LPIN1: variants seen among roughly 807,000 people sequenced by gnomAD.
LPIN1 encodes the protein phosphatidate phosphatase LPIN1.
LPIN1 carries 71 observed loss-of-function variants against 107.5 expected under a neutral mutation model. The ratio of observed to expected loss-of-function variants is 0.66; its 90% CI spans 0.55 to 0.80. The LOEUF (loss-of-function observed/expected upper bound fraction) is 0.80, where lower values mean the gene tolerates loss of function less well. Ranked by LOEUF, LPIN1 falls within the 30% of genes least tolerant of loss-of-function variation. The pLI is 0.00. For synonymous variants in LPIN1, 445 were observed against 452.6 expected (o/e 0.98, Z 0.21); for missense variants, 1,043 against 1,160.6 (o/e 0.90, Z 1.47).
chr2:11,701,299 T>C (rs1218284800), intron 1 of LPIN1, among the ~76,000 whole-genome samples: 1 of 152,212 alleles, frequency 6.6e-6, no homozygotes, highest in Non-Finnish European at 1.5e-5. Context: ...CCTGCTTGGC[T>C]ATGAGTAACT....
intron 14 of LPIN1, among the ~76,000 whole-genome samples, chr2:11,798,181 G>A (rs1163361932): frequency 3.3e-5 from 5 of 152,216 alleles, no homozygotes; most frequent in Non-Finnish European, 7.3e-5. Flanking sequence ...GTGGAACTGT[G>A]AGTCAATTAA....
At chr2:11,808,470 A>T (rs139003036) in intron 17 of LPIN1, among the ~76,000 whole-genome samples, 96 of 152,330 alleles carry the variant, frequency 6.3e-4, no homozygotes, top group African/African-American at 1.9e-3. Context: ...CTAGGGTACC[A>T]GGGAAAAGAT....
chr2:11,761,206 T>C (rs763986562), intron 1 of LPIN1, among the ~76,000 whole-genome samples: 15 of 152,216 alleles, frequency 9.9e-5, no homozygotes, highest in Non-Finnish European at 1.2e-4. Flanking sequence ...CAAACACACG[T>C]TAAAATCTAA....
rs765117462 is a variant in LPIN1, at chr2:11,782,304, T to C, written c.1061T>C (p.Phe354Ser). 4 of 1,614,208 alleles carry C rather than the reference T, an allele frequency of 2.5e-6. No homozygotes were observed. Among genetic ancestry groups the C allele is most frequent in the Non-Finnish European group, 2.5e-6 (3 of 1,180,034 alleles). ...QAIHSESSDT[F>S]SDQSPTLVGG... ...ATTCACAGCGAATCTTCAGACACTT[T>C]TAGTGACCAATCGCCAACTCTGGTC... The change falls in exon 8 of 21, where the codon TTT (phenylalanine) becomes TCT (serine). Residue 354 changes from phenylalanine to serine, a missense_variant. Transcript: ENST00000674199.
At chr2:11,749,891 C>T (rs568526841) in intron 1 of LPIN1, among the ~76,000 whole-genome samples, 87 of 152,344 alleles carry the variant, frequency 5.7e-4, no homozygotes, top group African/African-American at 1.6e-3. Flanking sequence ...TTAAAATTTT[C>T]GGCTGATGCT....
At chr2:11,820,948 T>G (rs1330939146) in intron 20 of LPIN1, among the ~76,000 whole-genome samples, 1 of 152,236 alleles carries the variant, frequency 6.6e-6, no homozygotes, top group Non-Finnish European at 1.5e-5. Flanking sequence ...AAGAATTCCC[T>G]TCATATTTTT....
At chr2:11,694,832 A>C (rs1662489933) in intron 1 of LPIN1, among the ~76,000 whole-genome samples, 1 of 152,236 alleles carries the variant, frequency 6.6e-6, no homozygotes, top group African/African-American at 2.4e-5. Flanking sequence ...ATAAGAAATA[A>C]TATAAAAAAT....
chr2:11,797,112 T>TTTTTGCTATTTA (rs1162653341), intron 14 of LPIN1, among the ~76,000 whole-genome samples: 15 of 152,334 alleles, frequency 9.8e-5, no homozygotes, highest in Non-Finnish European at 2.1e-4. Context: ...ATAGCTACAC[T>TTTTTGCTATTTA]AGAAATGCCC....
chr2:11,774,953 A>T lies in LPIN1; in HGVS notation c.723-1133A>T, dbSNP rs891911529. 2.0e-5 allele frequency among the ~76,000 whole-genome samples: 3 copies of T among 149,406 alleles called. No individual in the cohort carries two copies. Among genetic ancestry groups the T allele is most frequent in the Non-Finnish European group, 3.0e-5 (2 of 67,686 alleles). On this transcript the variant is annotated intron_variant, in intron 5 of 20. Transcript: ENST00000674199. This position sits in a 1 kb window ranked among gnomAD's most constrained non-coding sequence, Gnocchi z 4.4. ...TAATTTTAAGATTTCCAGTAGCCCT[A>T]TTTTTAAAAAGTAAAAAAAAAAAAA...
intron 2 of LPIN1, among the ~76,000 whole-genome samples, chr2:11,716,750 T>C (rs1663768767): frequency 6.6e-6 from 1 of 152,162 alleles, no homozygotes. Flanking sequence ...AGAATCTAGC[T>C]GTGAAATACA....
chr2:11,755,761 G>T (rs574357308), intron 1 of LPIN1, among the ~76,000 whole-genome samples: 2 of 149,192 alleles, frequency 1.3e-5, no homozygotes, highest in South Asian at 2.1e-4. Flanking sequence ...TCGCTCTGTC[G>T]CCCAAGCTGG....
At chr2:11,740,410 AC>A (rs1666219827) in intron 1 of LPIN1, among the ~76,000 whole-genome samples, 1 of 151,886 alleles carries the variant, frequency 6.6e-6, no homozygotes, top group East Asian at 1.9e-4. Flanking sequence ...TAACCATCAC[AC>A]CCTTCAATTA....
intron 1 of LPIN1, among the ~76,000 whole-genome samples, chr2:11,761,687 A>G (rs1197352150): frequency 9.2e-5 from 14 of 152,076 alleles, no homozygotes; most frequent in Admixed American, 9.2e-4. Context: ...CTTGAGCCTC[A>G]TTTGCAAATG....
intron 17 of LPIN1, among the ~76,000 whole-genome samples, chr2:11,808,088 G>T (rs1364397539): frequency 6.6e-6 from 1 of 151,988 alleles, no homozygotes; most frequent in African/African-American, 2.4e-5. Flanking sequence ...AGCCTTTAAT[G>T]CCTGGCTCAA....
intron 1 of LPIN1, among the ~76,000 whole-genome samples, chr2:11,751,508 C>G (rs1667783009): frequency 6.6e-6 from 1 of 152,232 alleles, no homozygotes; most frequent in South Asian, 2.1e-4. Context: ...GTATGTATCT[C>G]ATTCCAGAAT....
At chr2:11,766,114 T>A (rs184535021) in intron 2 of LPIN1, among the ~76,000 whole-genome samples, 5 of 152,334 alleles carry the variant, frequency 3.3e-5, no homozygotes, top group African/African-American at 1.2e-4. Flanking sequence ...GGCTCTTCGC[T>A]GAGGCTTTGG....
At position 11,803,402 on chromosome 2, in the gene LPIN1, A is replaced by G. The variant is rs768407962; in HGVS notation, c.2013+369A>G. On this transcript the variant is annotated intron_variant, in intron 15 of 20. Coordinates refer to ENST00000674199, the MANE Select transcript of LPIN1 (RefSeq NM_001349206.2). This position sits in a 1 kb window ranked among gnomAD's most constrained non-coding sequence, Gnocchi z 4.2. Reference sequence around the variant, plus strand: ...GAGAGATGTTTGTTAACTCAAATGCATCTCTTAAGTTGGTGGAAATCAAGC... The same window carrying G: ...GAGAGATGTTTGTTAACTCAAATGCGTCTCTTAAGTTGGTGGAAATCAAGC... Among the ~76,000 whole-genome samples, 7 of 152,194 alleles carry G rather than the reference A, an allele frequency of 4.6e-5. No individual in the cohort carries two copies. The highest frequency in any genetic ancestry group is 7.3e-5 in the Non-Finnish European group (5 of 68,034).
intron 18 of LPIN1, chr2:11,817,931 CAAAAAAAAAAAAAAAA>C (rs34888081): frequency 1.2e-4 from 3 of 25,536 alleles, no homozygotes; most frequent in Middle Eastern, 0.019. Context: ...GACTCTGTCT[CAAAAAAAAAAAAAAAA>C]AAAAAAAAAA....
Position 11,812,352 on chromosome 2 carries a change from G to A in LPIN1, c.2250-2736G>A, listed in dbSNP as rs151074742. Among the ~76,000 whole-genome samples, 6 of 152,252 alleles carry A rather than the reference G, an allele frequency of 3.9e-5. No homozygotes were observed. The South Asian group carries it at 6.2e-4, about 16-fold the overall frequency. On this transcript the variant is annotated intron_variant, in intron 17 of 20. Coordinates refer to ENST00000674199, the MANE Select transcript of LPIN1 (RefSeq NM_001349206.2). ...ATACAGTCGAATGAAGGACTATAAC[G>A]TCATATTAGTGATCAGTGCTAGGAG... is the stretch of plus-strand genomic sequence containing the variant.
Sources: gnomAD v4.1 joint callset for allele counts (sites outside exome capture counted in the v4.1 genomes callset) on GRCh38, gnomAD v4.1.1 for gene constraint, Gnocchi (gnomAD v3.1) non-coding constraint, MANE v1.5 for transcripts, NCBI Gene and HGNC (gene_info 2026-07-23, HGNC 2026-07-21) for gene names.